ZCCHC17: variants seen among roughly 807,000 people sequenced by gnomAD.
ZCCHC17 encodes the protein zinc finger CCHC-type containing 17.
ZCCHC17 carries 18 observed loss-of-function variants against 30.6 expected under a neutral mutation model. That is an observed-to-expected ratio of 0.59 (90% CI 0.41 to 0.87). The LOEUF is 0.87. Ranked by LOEUF, ZCCHC17 falls within the 40% of genes least tolerant of loss-of-function variation. The pLI, the probability that ZCCHC17 is intolerant of heterozygous loss-of-function variation, is 0.00. For missense variants in ZCCHC17, 263 were observed against 284.2 expected (o/e 0.93, Z 0.54); for synonymous variants, 88 against 92.4 (o/e 0.95, Z 0.27).
chr1:31,354,411 T>G (rs1190234078), intron 7 of ZCCHC17, among the ~76,000 whole-genome samples: 1 of 152,196 alleles, frequency 6.6e-6, no homozygotes, highest in Non-Finnish European at 1.5e-5. Flanking sequence ...ATTTAGTTTT[T>G]TTTTTCTTTT....
chr1:31,309,944 CTAGTGG>C lies in ZCCHC17; in HGVS notation c.-55-97_-55-92del, dbSNP rs1217245110. On this transcript the variant is annotated intron_variant, in intron 1 of 7. Transcript: ENST00000344147. ...TGGATAAAAGTGTATGGTGTTAAAT[CTAGTGG>C]TATTATTCTGTAGAGAATAGCTGTG... The C allele has an allele frequency of 6.3e-6, 4 of 634,354 alleles. No individual in the cohort carries two copies. In the African/African-American group the frequency reaches 7.4e-5, roughly 12 times the overall value. 39.3% of individuals were successfully genotyped at this position (634,354 alleles called of 1,614,324 possible).
At chr1:31,359,256 C>T (rs767508852) in intron 7 of ZCCHC17, among the ~76,000 whole-genome samples, 4 of 152,136 alleles carry the variant, frequency 2.6e-5, no homozygotes, top group Non-Finnish European at 4.4e-5. Flanking sequence ...TGGCTCATGC[C>T]TGTAATCCCA....
At chr1:31,331,181 G>A (rs1402695844) in intron 3 of ZCCHC17, among the ~76,000 whole-genome samples, 2 of 151,192 alleles carry the variant, frequency 1.3e-5, no homozygotes, top group East Asian at 1.9e-4. Flanking sequence ...TTGCTCTGTC[G>A]CCCTGGCTGG....
At chr1:31,337,686 C>T (rs1638874866) in intron 4 of ZCCHC17, among the ~76,000 whole-genome samples, 1 of 152,012 alleles carries the variant, frequency 6.6e-6, no homozygotes, top group South Asian at 2.1e-4. Context: ...AGTCATTTTC[C>T]CTAATATCTG....
chr1:31,318,288 C>A, intron 2 of ZCCHC17: 1 of 1,436,790 alleles, frequency 7.0e-7, no homozygotes, highest in Non-Finnish European at 9.4e-7. Flanking sequence ...GTGTTAAATT[C>A]AGCATATAGT....
intron 2 of ZCCHC17, among the ~76,000 whole-genome samples, chr1:31,312,989 T>C (rs538383768): frequency 6.6e-6 from 1 of 151,486 alleles, no homozygotes; most frequent in East Asian, 1.9e-4. Flanking sequence ...GCCAGGCTAG[T>C]CTCCTGACCT....
At chr1:31,363,028 A>C (rs996114796) in intron 7 of ZCCHC17, among the ~76,000 whole-genome samples, 1 of 152,148 alleles carries the variant, frequency 6.6e-6, no homozygotes, top group African/African-American at 2.4e-5. Flanking sequence ...CACAGTTTAT[A>C]TCATGTGCAT....
intron 3 of ZCCHC17, among the ~76,000 whole-genome samples, 163 bp downstream of exon 3, chr1:31,319,329 C>T (rs1340281346): frequency 2.0e-5 from 3 of 152,192 alleles, no homozygotes; most frequent in South Asian, 2.1e-4. Context: ...TCATTTTTAG[C>T]GGGCAGAGAA....
chr1:31,323,626 C>T (rs1426921144), intron 3 of ZCCHC17, among the ~76,000 whole-genome samples: 1 of 152,058 alleles, frequency 6.6e-6, no homozygotes, highest in Non-Finnish European at 1.5e-5. Context: ...CGGCCTAGAC[C>T]TCTGTATTAT....
At chr1:31,341,879 C>T (rs929243116) in intron 5 of ZCCHC17, among the ~76,000 whole-genome samples, 18 of 152,174 alleles carry the variant, frequency 1.2e-4, no homozygotes, top group South Asian at 2.1e-4. Context: ...TTTTAAATGC[C>T]GCTTTGTTTT....
At chr1:31,298,450 A>G (rs750866511) in intron 1 of ZCCHC17, among the ~76,000 whole-genome samples, 2 of 151,284 alleles carry the variant, frequency 1.3e-5, no homozygotes, top group African/African-American at 2.4e-5. Context: ...TGGTGGTGCA[A>G]CCTTGGCTCA....
rs943001109 is a variant in ZCCHC17, at chr1:31,339,026, G to A, written c.295G>A (p.Asp99Asn). 1 of 1,611,334 alleles carries A rather than the reference G, an allele frequency of 6.2e-7. No individual in the cohort carries two copies. Among genetic ancestry groups the A allele is most frequent in the African/African-American group, 1.3e-5 (1 of 74,888 alleles). Residue 99 changes from aspartate (D) to asparagine (N), a missense_variant, in exon 5 of 8, where the codon GAT (aspartate) becomes AAT (asparagine). Asp to Asn is a conservative substitution (Grantham distance 23). Transcript: ENST00000344147. The part of the protein sequence containing the change: ...VVNQGTGKDL[D>N]PNNVIIEQEE... ...CAATCAAGGGACTGGGAAAGACCTT[G>A]ATCCCAACAATGTTATCATTGAGTA...
At chr1:31,297,767 T>C (rs1646202030) in intron 1 of ZCCHC17, among the ~76,000 whole-genome samples, 1 of 152,152 alleles carries the variant, frequency 6.6e-6, no homozygotes, top group Admixed American at 6.5e-5. Context: ...CGCTGGTAGC[T>C]GCAGGAAGTG....
intron 4 of ZCCHC17, among the ~76,000 whole-genome samples, chr1:31,337,509 T>G (rs976047015): frequency 2.0e-5 from 3 of 152,174 alleles, no homozygotes; most frequent in African/African-American, 7.2e-5. Flanking sequence ...TTTGTAAAAC[T>G]TCCCTCCCTG....
chr1:31,355,518 C>T (rs191853140), intron 7 of ZCCHC17, among the ~76,000 whole-genome samples: 88 of 152,214 alleles, frequency 5.8e-4, no homozygotes, highest in African/African-American at 2.0e-3. Context: ...GAGAAATTGA[C>T]GTAACTCACC....
intron 3 of ZCCHC17, among the ~76,000 whole-genome samples, chr1:31,330,751 C>T (rs760723846): frequency 6.6e-6 from 1 of 152,078 alleles, no homozygotes; most frequent in Non-Finnish European, 1.5e-5. Context: ...TTCCCATGAA[C>T]CTTTGTCAAA....
At chr1:31,319,674 A>G (rs1325188458) in intron 3 of ZCCHC17, among the ~76,000 whole-genome samples, 1 of 152,190 alleles carries the variant, frequency 6.6e-6, no homozygotes, top group East Asian at 1.9e-4. Context: ...AACTATGTTA[A>G]GCCGAAAAGG....
chr1:31,315,990 C>G (rs1225302611), intron 2 of ZCCHC17, among the ~76,000 whole-genome samples: 2 of 152,188 alleles, frequency 1.3e-5, no homozygotes, highest in Non-Finnish European at 2.9e-5. Flanking sequence ...TATATTACCT[C>G]TAAAGACCAT....
Position 31,307,643 on chromosome 1 carries a change from C to T in ZCCHC17, c.-55-2401C>T, listed in dbSNP as rs1034271563. On this transcript the variant is annotated intron_variant, in intron 1 of 7. Transcript: ENST00000344147. ...AGGCTGGAGTGCAGTGGCACAATCT[C>T]GGCTCACTGCAACCTCTGCCTCCTG... 5.9e-5 allele frequency among the ~76,000 whole-genome samples: 9 copies of T among 151,696 alleles called. No homozygotes were observed. The East Asian group carries it at 1.4e-3, about 23-fold the overall frequency.
Sources: allele counts gnomAD v4.1 joint callset (sites outside exome capture counted in the v4.1 genomes callset), GRCh38; gene constraint gnomAD v4.1.1; transcripts MANE v1.5; gene names NCBI Gene and HGNC (gene_info 2026-07-23, HGNC 2026-07-21).